The following RNFT2 variants were observed in gnomAD, a reference collection of about 807,000 sequenced individuals.
RNFT2 encodes ring finger protein, transmembrane 2, also known as E3 ubiquitin-protein ligase RNFT2.
Under a neutral mutation model 53.0 loss-of-function variants are expected in RNFT2, and 36 were observed. The ratio of observed to expected loss-of-function variants is 0.68; its 90% CI spans 0.52 to 0.90. The LOEUF is 0.90. Among genes scored for constraint, RNFT2 ranks in the 40% least tolerant of loss-of-function variants. The pLI is 0.00. For synonymous variants in RNFT2, 260 were observed against 253.2 expected (o/e 1.03, Z -0.26); for missense variants, 514 against 585.6 (o/e 0.88, Z 1.26).
intron 7 of RNFT2, among the ~76,000 whole-genome samples, chr12:116,806,573 C>T (rs1348433478): frequency 6.6e-6 from 1 of 151,556 alleles, no homozygotes; most frequent in African/African-American, 2.4e-5. Context: ...TAGTGAGACA[C>T]CTTCTCTATA....
intron 7 of RNFT2, among the ~76,000 whole-genome samples, chr12:116,818,331 A>AT (rs1875803624): frequency 6.6e-6 from 1 of 151,158 alleles, no homozygotes; most frequent in South Asian, 2.1e-4. Context: ...AAAAAAAAAA[A>AT]AAAAATCCGC....
At chr12:116,799,906 C>T (rs1391821991) in intron 7 of RNFT2, among the ~76,000 whole-genome samples, 2 of 152,134 alleles carry the variant, frequency 1.3e-5, no homozygotes, top group African/African-American at 4.8e-5. Flanking sequence ...TTGGAGGTGG[C>T]GCTTAGTAGG....
Position 116,749,476 on chromosome 12 carries a change from C to T in RNFT2, c.84-365C>T, listed in dbSNP as rs1006275422. On this transcript the variant is annotated intron_variant, in intron 3 of 10. Coordinates refer to ENST00000257575, the MANE Select transcript of RNFT2 (RefSeq NM_001382266.1). ...TCTATTTCTTGTAAAGATGGGGTCT[C>T]CCTATGTTGCCCAGGCTGGTTTTGA... is the stretch of plus-strand genomic sequence containing the variant. Among the ~76,000 whole-genome samples the T allele has an allele frequency of 5.9e-5, 9 of 152,144 alleles. No individual in the cohort carries two copies. The South Asian group carries it at 6.2e-4, about 11-fold the overall frequency.
chr12:116,775,673 A>G (rs1446310383), intron 6 of RNFT2, among the ~76,000 whole-genome samples: 1 of 152,246 alleles, frequency 6.6e-6, no homozygotes, highest in Admixed American at 6.5e-5. Flanking sequence ...CACATGTCAT[A>G]AGACTCATTA....
At chr12:116,773,258 A>G (rs1190757648) in intron 6 of RNFT2, among the ~76,000 whole-genome samples, 1 of 152,214 alleles carries the variant, frequency 6.6e-6, no homozygotes, top group African/African-American at 2.4e-5. Context: ...CACCATGCCC[A>G]GCCGCAAGTA....
intron 7 of RNFT2, among the ~76,000 whole-genome samples, chr12:116,784,442 C>T (rs1873844539): frequency 6.6e-6 from 1 of 152,148 alleles, no homozygotes; most frequent in Non-Finnish European, 1.5e-5. Flanking sequence ...TAGTCCTTAT[C>T]CAATCAACTG....
chr12:116,740,272 C>T, intron 1 of RNFT2, 73 bp from the exon 2 acceptor site: 1 of 515,210 alleles, frequency 1.9e-6, no homozygotes, highest in East Asian at 3.2e-5. Context: ...TAGCTACCAA[C>T]AATGTCCTAA....
Position 116,852,632 on chromosome 12 carries a change from A to G in RNFT2, c.*3184A>G, listed in dbSNP as rs1405941254. ...CTTCTGCAACTGGTTTTTATCGGAA[A>G]GATCATCCTGCCTGCAGATGCTGTT... On this transcript the variant is annotated 3_prime_UTR_variant, in exon 11 of 11. Coordinates refer to ENST00000257575, the MANE Select transcript of RNFT2 (RefSeq NM_001382266.1). 2 of 1,614,012 alleles carry G rather than the reference A, an allele frequency of 1.2e-6. No homozygotes were observed. Among genetic ancestry groups the G allele is most frequent in the East Asian group, 2.2e-5 (1 of 44,886 alleles).
chr12:116,739,275 T>C (rs964148668), intron 1 of RNFT2, among the ~76,000 whole-genome samples: 1 of 152,084 alleles, frequency 6.6e-6, no homozygotes, highest in Non-Finnish European at 1.5e-5. Context: ...GGGTGAAAGG[T>C]GGGACAGGGA....
intron 7 of RNFT2, among the ~76,000 whole-genome samples, chr12:116,819,029 C>T (rs187890928): frequency 6.6e-6 from 1 of 152,328 alleles, no homozygotes; most frequent in East Asian, 1.9e-4. Flanking sequence ...CGTGGGTAAT[C>T]TGGGGCAGAT....
chr12:116,756,163 T>C (rs1872502311), intron 5 of RNFT2, among the ~76,000 whole-genome samples: 1 of 152,092 alleles, frequency 6.6e-6, no homozygotes, highest in Non-Finnish European at 1.5e-5. Context: ...GGCAGTAGGG[T>C]CATTTTCACA....
intron 6 of RNFT2, among the ~76,000 whole-genome samples, chr12:116,773,305 T>C (rs1873283878): frequency 6.6e-6 from 1 of 152,226 alleles, no homozygotes; most frequent in Admixed American, 6.5e-5. Flanking sequence ...TGCCCAGGAC[T>C]ATATTAAGAA....
At chr12:116,797,126 T>A (rs1056559340) in intron 7 of RNFT2, among the ~76,000 whole-genome samples, 3 of 152,202 alleles carry the variant, frequency 2.0e-5, no homozygotes, top group African/African-American at 7.2e-5. Context: ...ATGTGTGCCT[T>A]ATGGAACTGG....
chr12:116,738,387 A>ATT lies in RNFT2; in HGVS notation c.-154+25_-154+26dup, dbSNP rs3840786. 13 of 151,742 alleles carry ATT rather than the reference A, an allele frequency of 8.6e-5. No individual in the cohort carries two copies. Among genetic ancestry groups the ATT allele is most frequent in the South Asian group, 2.1e-4 (1 of 4,820 alleles). 9.4% of individuals were successfully genotyped at this position (151,742 alleles called of 1,614,324 possible). ...TCTGGGCAGGTAAAAAGAGAACGCG[A>ATT]TTTTTTTTTCTTTTCTCCCATCATG... On this transcript the variant is annotated intron_variant, in intron 1 of 10. Transcript: ENST00000257575.
Position 116,849,308 on chromosome 12 carries a change from C to A in RNFT2, c.1201-6C>A. On this transcript the variant is annotated splice_polypyrimidine_tract_variant and splice_region_variant and intron_variant, in intron 10 of 10. Transcript: ENST00000257575. ...TCCTGGTGCCTGCTGATTGCTGTCC[C>A]CGCAGCACGTGTTCTGTGAGGAGTG... 6.5e-7 allele frequency: 1 copy of A among 1,535,190 alleles called. No individual in the cohort carries two copies. The highest frequency in any genetic ancestry group is 8.8e-7 in the Non-Finnish European group (1 of 1,142,724).
intron 6 of RNFT2, among the ~76,000 whole-genome samples, chr12:116,777,608 T>C (rs927997115): frequency 1.3e-5 from 2 of 152,170 alleles, no homozygotes; most frequent in African/African-American, 4.8e-5. Flanking sequence ...CTTCCACATA[T>C]TTGCCTTTCT....
At chr12:116,835,905 G>A (rs1374959464) in intron 8 of RNFT2, 55 bp from the exon 9 acceptor site, 3 of 1,593,280 alleles carry the variant, frequency 1.9e-6, no homozygotes, top group African/African-American at 2.7e-5. Flanking sequence ...TGATTGTGCA[G>A]GGGTCACGAG....
intron 4 of RNFT2, among the ~76,000 whole-genome samples, chr12:116,750,819 T>TTATATA (rs1477480685): frequency 6.9e-4 from 3 of 4,338 alleles, no homozygotes; most frequent in Non-Finnish European, 2.0e-3. Context: ...AATATATATA[T>TTATATA]TATATATATA....
rs993565865 is a variant in RNFT2, at chr12:116,852,718, T to C, written c.*3270T>C. ...ATGAAAGTGCAGGTGTGTAAGGAAATAGAACAGTCTGCTGGGAGTCAGACC... is the reference window on the plus strand; with the variant it reads ...ATGAAAGTGCAGGTGTGTAAGGAAACAGAACAGTCTGCTGGGAGTCAGACC... On this transcript the variant is annotated 3_prime_UTR_variant, in exon 11 of 11. Transcript: ENST00000257575. The C allele has an allele frequency of 6.2e-6, 10 of 1,613,156 alleles. No individual in the cohort carries two copies. The Admixed American group carries it at 1.2e-4, about 19-fold the overall frequency.
Sources: gnomAD v4.1 joint callset for allele counts (sites outside exome capture counted in the v4.1 genomes callset) on GRCh38, gnomAD v4.1.1 for gene constraint, MANE v1.5 for transcripts, NCBI Gene and HGNC (gene_info 2026-07-23, HGNC 2026-07-21) for gene names.